The following DMXL1 variants were observed in gnomAD, a reference collection of about 807,000 sequenced individuals.
DMXL1 encodes the protein Dmx like 1.
A neutral mutation model predicts 319.2 loss-of-function variants in DMXL1; 99 were observed. The observed-to-expected ratio is 0.31, with a 90% CI of 0.26 to 0.37. The LOEUF (loss-of-function observed/expected upper bound fraction) is 0.37, where lower values mean the gene tolerates loss of function less well. Among genes scored for constraint, DMXL1 ranks in the 10% least tolerant of loss-of-function variants. DMXL1 has a pLI of 1.00. For synonymous variants in DMXL1, 1,385 were observed against 1,235.2 expected (o/e 1.12, Z -2.54); for missense variants, 3,745 against 3,595.6 (o/e 1.04, Z -1.06).
At chr5:119,091,916 T>A (rs183257860) in intron 1 of DMXL1, among the ~76,000 whole-genome samples, 1 of 152,338 alleles carries the variant, frequency 6.6e-6, no homozygotes, top group Non-Finnish European at 1.5e-5. Flanking sequence ...CCTCTTTGTT[T>A]CTCCCTGTCC....
chr5:119,235,391 T>C (rs1787563890), intron 39 of DMXL1, among the ~76,000 whole-genome samples: 1 of 152,064 alleles, frequency 6.6e-6, no homozygotes, highest in African/African-American at 2.4e-5. Context: ...CCCAAAAATG[T>C]GGTCAGTGGG....
intron 19 of DMXL1, among the ~76,000 whole-genome samples, chr5:119,163,427 T>C (rs533168270): frequency 7.9e-5 from 12 of 152,232 alleles, no homozygotes; most frequent in Non-Finnish European, 1.3e-4. Flanking sequence ...GTTTTTATTT[T>C]CATTTTTGAG....
At chr5:119,233,226 T>A in intron 38 of DMXL1, 114 bp from the exon 39 acceptor site, 1 of 1,072,574 alleles carries the variant, frequency 9.3e-7, no homozygotes, top group South Asian at 1.6e-5. Flanking sequence ...AAGGTAAATT[T>A]ATATAAGTTG....
At chr5:119,091,197 T>G (rs1029317710) in intron 1 of DMXL1, among the ~76,000 whole-genome samples, 7 of 151,716 alleles carry the variant, frequency 4.6e-5, no homozygotes, top group African/African-American at 1.7e-4. Context: ...GTTCCCTGTT[T>G]GCTGCATTTA....
intron 5 of DMXL1, among the ~76,000 whole-genome samples, chr5:119,113,090 C>T (rs996954467): frequency 6.6e-6 from 1 of 152,066 alleles, no homozygotes. Context: ...AATTAGAAAA[C>T]AGCAGTGAAA....
intron 25 of DMXL1, among the ~76,000 whole-genome samples, chr5:119,173,777 T>TAA (rs1491112029): frequency 2.3e-5 from 1 of 43,072 alleles, no homozygotes; most frequent in Non-Finnish European, 4.3e-5. Context: ...TGTGTGTGTG[T>TAA]ATATATATAT....
At chr5:119,135,363 A>T (rs1369300820) in intron 13 of DMXL1, among the ~76,000 whole-genome samples, 1 of 152,232 alleles carries the variant, frequency 6.6e-6, no homozygotes, top group Admixed American at 6.5e-5. Context: ...GGAATTGCCA[A>T]GTAAGTTGCT....
chr5:119,234,931 C>T (rs1284129835), intron 39 of DMXL1, among the ~76,000 whole-genome samples: 1 of 152,100 alleles, frequency 6.6e-6, no homozygotes, highest in African/African-American at 2.4e-5. Context: ...TCAGCTTTAA[C>T]ACTCACTACA....
chr5:119,129,817 A>C (rs966192743), intron 10 of DMXL1, among the ~76,000 whole-genome samples: 1 of 152,252 alleles, frequency 6.6e-6, no homozygotes, highest in Admixed American at 6.5e-5. Context: ...TTTGAGAAGC[A>C]TTGAAACTAG....
chr5:119,173,791 T>TATATATATATATATATATATATATAA (rs1561795642), intron 25 of DMXL1, among the ~76,000 whole-genome samples: 8 of 126,966 alleles, frequency 6.3e-5, no homozygotes, highest in Admixed American at 1.7e-4. Flanking sequence ...TATATATATA[T>TATATATATATATATATATATATATAA]ATATATAATG....
chr5:119,075,853 C>T (rs1561523253), intron 1 of DMXL1, among the ~76,000 whole-genome samples: 1 of 152,076 alleles, frequency 6.6e-6, no homozygotes, highest in Non-Finnish European at 1.5e-5. Flanking sequence ...ACGTGAGCTG[C>T]CATGTCCACC....
At chr5:119,093,260 T>G (rs1262444503) in intron 1 of DMXL1, among the ~76,000 whole-genome samples, 1 of 152,136 alleles carries the variant, frequency 6.6e-6, no homozygotes, top group Non-Finnish European at 1.5e-5. Flanking sequence ...CTTGGCTCAG[T>G]GCAACCTCTG....
rs1776155637 is a variant in DMXL1, at chr5:119,178,146, T to C, written c.7037T>C (p.Ile2346Thr). The C allele has an allele frequency of 1.9e-6, 3 of 1,613,848 alleles. No individual in the cohort carries two copies. The highest frequency in any genetic ancestry group is 1.7e-5 in the Admixed American group (1 of 59,986). The change falls in exon 28 of 44, where the codon ATT (isoleucine) becomes ACT (threonine). Residue 2346 changes from isoleucine to threonine, a missense_variant. This residue lies in a region of DMXL1 where 1,382 missense variants were observed against 1,269.5 expected (regional missense o/e 1.09). Coordinates refer to ENST00000539542, the MANE Select transcript of DMXL1 (RefSeq NM_001290321.3). ...ATHSSNELFR[I>T]VAHPLNEKMW... ...CATTCAAGTAATGAGCTATTTCGGA[T>C]TGTGGCCCATCCTCTAAATGAGAAA...
At chr5:119,120,562 G>A (rs1353310399) in intron 8 of DMXL1, among the ~76,000 whole-genome samples, 1 of 152,130 alleles carries the variant, frequency 6.6e-6, no homozygotes, top group Non-Finnish European at 1.5e-5. Context: ...CATGTGCAGT[G>A]GTAATATTAT....
chr5:119,150,501 G>T, intron 18 of DMXL1, 80 bp downstream of exon 18: 1 of 1,440,476 alleles, frequency 6.9e-7, no homozygotes. Flanking sequence ...TTAAAATGAT[G>T]CCATTGGCTA....
chr5:119,144,812 T>C (rs930900375), intron 15 of DMXL1, among the ~76,000 whole-genome samples, 174 bp downstream of exon 15: 1 of 151,784 alleles, frequency 6.6e-6, no homozygotes, highest in Non-Finnish European at 1.5e-5. Flanking sequence ...AACCAGGTAA[T>C]AAATACGAAC....
At position 119,212,137 on chromosome 5, in the gene DMXL1, A is replaced by G. The variant is rs111766428; in HGVS notation, c.7927-4764A>G. Among the ~76,000 whole-genome samples, 410 of 152,266 alleles carry G rather than the reference A, an allele frequency of 2.7e-3. 2 individuals are homozygous for G. The highest frequency in any genetic ancestry group is 9.1e-3 in the African/African-American group (378 of 41,558). ...GTACATTTACACTGCTCTGCAACCA[A>G]CACACCATCCATCTCCAGAACTTTT... On this transcript the variant is annotated intron_variant, in intron 34 of 43. Transcript: ENST00000539542.
chr5:119,081,062 C>A (rs923616667), intron 1 of DMXL1, among the ~76,000 whole-genome samples: 1 of 152,138 alleles, frequency 6.6e-6, no homozygotes, highest in African/African-American at 2.4e-5. Context: ...AATTGTACTA[C>A]CTCTAGGGAC....
At chr5:119,147,194 A>G in intron 16 of DMXL1, 55 bp from the exon 17 acceptor site, 1 of 1,435,578 alleles carries the variant, frequency 7.0e-7, no homozygotes, top group East Asian at 2.3e-5. Flanking sequence ...TAACAATCGT[A>G]ATATTTATAG....
Sources: gnomAD v4.1 joint callset for allele counts (sites outside exome capture counted in the v4.1 genomes callset) on GRCh38, gnomAD v4.1.1 for gene constraint, gnomAD v4.1.1 regional missense constraint, MANE v1.5 for transcripts, NCBI Gene and HGNC (gene_info 2026-07-23, HGNC 2026-07-21) for gene names.